COL28A1: variants seen among roughly 807,000 people sequenced by gnomAD.
COL28A1 encodes collagen alpha-1(XXVIII) chain.
Under a neutral mutation model 150.2 loss-of-function variants are expected in COL28A1, and 161 were observed. The ratio of observed to expected loss-of-function variants is 1.07; its 90% confidence interval spans 0.94 to 1.22. The LOEUF is 1.22. Ranked by LOEUF, COL28A1 falls within the 50% of genes most tolerant of loss-of-function variation. COL28A1 has a pLI of 0.00. For missense variants in COL28A1, 1,617 were observed against 1,388.3 expected (o/e 1.16, Z -2.62); for synonymous variants, 552 against 469.7 (o/e 1.18, Z -2.26).
At chr7:7,497,253 A>C (rs928412933) in intron 11 of COL28A1, among the ~76,000 whole-genome samples, 7 of 152,216 alleles carry the variant, frequency 4.6e-5, no homozygotes, top group Non-Finnish European at 1.0e-4. Context: ...TACCAGAATA[A>C]ACTTGGTCTA....
chr7:7,388,271 C>G (rs924162610), intron 27 of COL28A1, among the ~76,000 whole-genome samples: 39 of 151,760 alleles, frequency 2.6e-4, no homozygotes, highest in African/African-American at 9.4e-4. Context: ...TGTTCAGTTT[C>G]CTGTTCTTAT....
At chr7:7,377,439 G>A (rs1036795001) in intron 30 of COL28A1, among the ~76,000 whole-genome samples, 1 of 152,106 alleles carries the variant, frequency 6.6e-6, no homozygotes. Context: ...GAACCATCTC[G>A]ATCTGCTGGG....
Position 7,520,085 on chromosome 7 carries a change from C to G in COL28A1, c.790G>C (p.Glu264Gln). The G allele has an allele frequency of 4.8e-6, 7 of 1,443,898 alleles. No individual in the cohort carries two copies. The highest frequency in any genetic ancestry group is 5.8e-6 in the Non-Finnish European group (6 of 1,025,882). The allele number at this position is 1,443,898 out of a possible 1,614,324, so 89.4% of individuals were successfully genotyped here. A position where few individuals can be genotyped will look rare whatever the true frequency, so the allele number is the denominator to read the frequency against. ...GTHGNPGIKG[E>Q]RGPKGNPGNA... is the part of the protein sequence containing the mutation. ...ACCGGGTTTCCTTTTGGTCCTCGCT[C>G]ACCTTTGATACCTGGATTTCCATGT... The change falls in exon 6 of 35, where the codon GAG becomes CAG. Residue 264 changes from glutamate (E) to glutamine (Q), a missense_variant. Glu to Gln is a conservative substitution (Grantham distance 29, BLOSUM62 2). Transcript: ENST00000399429.
At chr7:7,361,306 A>T (rs983198556) in intron 33 of COL28A1, among the ~76,000 whole-genome samples, 7 of 151,414 alleles carry the variant, frequency 4.6e-5, no homozygotes. Flanking sequence ...CTTTTTTTTT[A>T]AAAATAGTGC....
the COL28A1 span, among the ~76,000 whole-genome samples, chr7:7,349,393 A>C: frequency 6.6e-6 from 1 of 152,142 alleles, no homozygotes; most frequent in Admixed American, 6.6e-5. Flanking sequence ...TAATCCTTTC[A>C]GTTGGTTCTG....
intron 27 of COL28A1, among the ~76,000 whole-genome samples, chr7:7,415,854 G>A (rs1377096715): frequency 6.6e-6 from 1 of 152,082 alleles, no homozygotes; most frequent in African/African-American, 2.4e-5. Flanking sequence ...CCAGGCTGGA[G>A]TACAGTGGCA....
At chr7:7,377,304 C>A (rs1020885221) in intron 30 of COL28A1, among the ~76,000 whole-genome samples, 9 of 152,154 alleles carry the variant, frequency 5.9e-5, no homozygotes, top group African/African-American at 1.9e-4. Flanking sequence ...ACTGAAATCA[C>A]TGAATAACTA....
intron 11 of COL28A1, among the ~76,000 whole-genome samples, chr7:7,499,725 T>C (rs1302301592): frequency 6.6e-6 from 1 of 152,208 alleles, no homozygotes; most frequent in Non-Finnish European, 1.5e-5. Flanking sequence ...AAATTCTTTA[T>C]AATTGTTCAT....
rs140315895 is a variant in COL28A1 at position 7,532,563 on chromosome 7, G to T, written c.124+189C>A. 1.6e-4 allele frequency among the ~76,000 whole-genome samples: 24 copies of T among 151,940 alleles called. No homozygotes were observed. In the East Asian group the frequency reaches 4.3e-3, roughly 27 times the overall value. ...CAAATGAGATAATAAGTGCACAAGT[G>T]CTCTTATTAAAGACTCTGATGTGCT... is the stretch of plus-strand genomic sequence containing the variant. On this transcript the variant is annotated intron_variant, in intron 2 of 34. Transcript: ENST00000399429.
intron 15 of COL28A1, among the ~76,000 whole-genome samples, chr7:7,456,667 T>G (rs1194500807): frequency 1.3e-5 from 2 of 152,154 alleles, no homozygotes; most frequent in East Asian, 3.9e-4. Context: ...CATAATTCAT[T>G]CTTTCTGTGT....
intron 9 of COL28A1, among the ~76,000 whole-genome samples, chr7:7,507,375 T>C (rs780445507): frequency 3.3e-5 from 5 of 152,186 alleles, no homozygotes; most frequent in Admixed American, 6.5e-5. Context: ...GAAAATACAA[T>C]TTTAGATGTA....
intron 15 of COL28A1, among the ~76,000 whole-genome samples, chr7:7,472,966 G>A (rs1788556577): frequency 6.6e-6 from 1 of 152,104 alleles, no homozygotes; most frequent in African/African-American, 2.4e-5. Flanking sequence ...GGAATAATTG[G>A]CAAGCCATAT....
downstream of COL28A1, among the ~76,000 whole-genome samples, chr7:7,352,294 A>G (rs1276668153): frequency 6.6e-6 from 1 of 152,212 alleles, no homozygotes; most frequent in Non-Finnish European, 1.5e-5. Context: ...GCTCTTAAGT[A>G]GCTCAAAGAG....
At chr7:7,463,836 G>A (rs564356274) in intron 15 of COL28A1, among the ~76,000 whole-genome samples, 1 of 152,214 alleles carries the variant, frequency 6.6e-6, no homozygotes, top group African/African-American at 2.4e-5. Context: ...GAATGTAAAT[G>A]GCCTAAATGG....
Position 7,531,497 on chromosome 7 carries a change from C to A in COL28A1, c.532G>T (p.Ala178Ser). ...NPDVQSISEDARISGISFITI... is the reference protein window; with the variant it reads ...NPDVQSISEDSRISGISFITI... ...ATAAATGATATTCCTGAAATTCTGG[C>A]ATCTTCAGAAATACTTTGAACATCT... The change falls in exon 3 of 35, where the codon GCC becomes TCC. Residue 178 changes from alanine to serine, a missense_variant. Physicochemically the swap from Ala to Ser is moderately conservative, Grantham distance 99. Coordinates refer to ENST00000399429, the MANE Select transcript of COL28A1 (RefSeq NM_001037763.3). 1 of 1,610,206 alleles carries A rather than the reference C, an allele frequency of 6.2e-7. No homozygotes were observed. Among genetic ancestry groups the A allele is most frequent in the Non-Finnish European group, 8.5e-7 (1 of 1,176,534 alleles).
chr7:7,352,371 C>T (rs139776968), downstream of COL28A1, among the ~76,000 whole-genome samples: 157 of 152,296 alleles, frequency 1.0e-3, no homozygotes, highest in African/African-American at 3.6e-3. Context: ...TCCCCAATCT[C>T]TCCTGTATAT....
intron 8 of COL28A1, among the ~76,000 whole-genome samples, chr7:7,515,464 C>T (rs1324612484): frequency 6.6e-6 from 1 of 152,202 alleles, no homozygotes; most frequent in Non-Finnish European, 1.5e-5. Flanking sequence ...GGAAGTTAAA[C>T]ACCAAGGGTG....
At chr7:7,361,702 G>A (rs1241235696) in intron 33 of COL28A1, among the ~76,000 whole-genome samples, 3 of 151,996 alleles carry the variant, frequency 2.0e-5, no homozygotes, top group African/African-American at 7.3e-5. Context: ...TTGTAAATTT[G>A]TTTAAGTTCT....
At chr7:7,384,801 T>C (rs969783856) in intron 27 of COL28A1, among the ~76,000 whole-genome samples, 1 of 152,182 alleles carries the variant, frequency 6.6e-6, no homozygotes. Flanking sequence ...ACCCTAAACA[T>C]TAAACTGACA....
Sources: gnomAD v4.1 joint callset for allele counts (sites outside exome capture counted in the v4.1 genomes callset) on GRCh38, gnomAD v4.1.1 for gene constraint, MANE v1.5 for transcripts, NCBI Gene and HGNC (gene_info 2026-07-23, HGNC 2026-07-21) for gene names.